The following ERCC4 variants were observed in gnomAD, a reference collection of about 807,000 sequenced individuals.
ERCC4 encodes ERCC excision repair 4, endonuclease catalytic subunit.
Under a neutral mutation model 76.9 loss-of-function variants are expected in ERCC4, and 65 were observed. The ratio of observed to expected loss-of-function variants is 0.84; its 90% CI spans 0.69 to 1.04. The LOEUF (loss-of-function observed/expected upper bound fraction) is 1.04. ERCC4 is among the 50% of genes least tolerant of loss of function. ERCC4 has a pLI of 0.00. For synonymous variants in ERCC4, 463 were observed against 410.1 expected, an observed-to-expected ratio of 1.13 and a Z score of -1.56; for missense variants, 1,214 against 1,128.2, an observed-to-expected ratio of 1.08 and a Z score of -1.09.
At chr16:13,944,946 G>A in intron 10 of ERCC4, 111 bp downstream of exon 10, 2 of 703,314 alleles carry the variant, frequency 2.8e-6, no homozygotes, top group South Asian at 1.6e-5. Flanking sequence ...AAAAATGGGG[G>A]TTGGGCCAAG....
At position 13,950,834 on chromosome 16, in the gene ERCC4, G is replaced by C; in HGVS notation, c.*2487G>C. 1 of 195,182 alleles carries C rather than the reference G, an allele frequency of 5.1e-6. No homozygotes were observed. Among genetic ancestry groups the C allele is most frequent in the East Asian group, 8.0e-5 (1 of 12,442 alleles). The allele number at this position is 195,182 out of a possible 1,614,324, so 12.1% of individuals were successfully genotyped here. A position where few individuals can be genotyped will look rare whatever the true frequency, so the allele number is the denominator to read the frequency against. On this transcript the variant is annotated 3_prime_UTR_variant, in exon 11 of 11. Transcript: ENST00000311895. ...TCCAAGTTGAGTTTTCAAAAAAAAG[G>C]TCTTCCTAAAGCTACCATTTTCAAC... is the stretch of plus-strand genomic sequence containing the variant.
intron 2 of ERCC4, among the ~76,000 whole-genome samples, chr16:13,925,417 T>C (rs1037612432): frequency 3.9e-5 from 6 of 152,232 alleles, no homozygotes; most frequent in Admixed American, 1.3e-4. Context: ...AAATTAGTTA[T>C]GTACGTGTAT....
chr16:13,937,730 G>T (rs759721080), intron 8 of ERCC4, 36 bp from the exon 9 acceptor site: 2 of 1,390,816 alleles, frequency 1.4e-6, no homozygotes, highest in Non-Finnish European at 2.0e-6. Context: ...TAAAAATGCT[G>T]TTTTTCCAAC....
At chr16:13,925,905 T>C (rs1314245317) in intron 2 of ERCC4, among the ~76,000 whole-genome samples, 1 of 152,198 alleles carries the variant, frequency 6.6e-6, no homozygotes, top group Non-Finnish European at 1.5e-5. Flanking sequence ...TAATTGTTCT[T>C]ATTTTTGAGA....
chr16:13,952,128 C>T lies in ERCC4; in HGVS notation c.*3781C>T, dbSNP rs906869368. 4 of 190,286 alleles carry T rather than the reference C, an allele frequency of 2.1e-5. No homozygotes were observed. Among genetic ancestry groups the T allele is most frequent in the Non-Finnish European group, 3.3e-5 (3 of 91,036 alleles). The allele number at this position is 190,286 out of a possible 1,614,324, so 11.8% of individuals were successfully genotyped here. A position where few individuals can be genotyped will look rare whatever the true frequency, so the allele number is the denominator to read the frequency against. ...AAATTTGGATGGGAGTGAGACATAACTGATTTATATGAATTTTAACAGAGT... is the reference window on the plus strand; with the variant it reads ...AAATTTGGATGGGAGTGAGACATAATTGATTTATATGAATTTTAACAGAGT... On this transcript the variant is annotated 3_prime_UTR_variant, in exon 11 of 11. Transcript: ENST00000311895.
rs2032103821 is a variant in ERCC4 at position 13,928,083 on chromosome 16, A to C, written c.640A>C (p.Ile214Leu). The C allele has an allele frequency of 1.2e-6, 2 of 1,613,744 alleles. No individual in the cohort carries two copies. The highest frequency in any genetic ancestry group is 1.7e-6 in the Non-Finnish European group (2 of 1,179,878). Reference sequence around the variant, plus strand: ...ACAGCACAAACCTGAAGTTGTAGAAATCCATGTTTCTATGACACCTACCAT... The same window carrying C: ...ACAGCACAAACCTGAAGTTGTAGAACTCCATGTTTCTATGACACCTACCAT... The part of the protein sequence containing the change: ...LEQHKPEVVE[I>L]HVSMTPTMLA... The change falls in exon 4 of 11, where the codon ATC (isoleucine) becomes CTC (leucine). Residue 214 changes from isoleucine (I) to leucine (L), a missense_variant. Ile to Leu is a conservative substitution (Grantham distance 5, BLOSUM62 2). Transcript: ENST00000311895.
intron 9 of ERCC4, among the ~76,000 whole-genome samples, chr16:13,944,429 G>A (rs535989887): frequency 6.6e-6 from 1 of 152,096 alleles, no homozygotes; most frequent in Admixed American, 6.5e-5. Context: ...TTTTTGACAT[G>A]CTTGTGTTGT....
rs943056130 is a variant in ERCC4, at chr16:13,950,499, A to T, written c.*2152A>T. 5.2e-6 allele frequency: 1 copy of T among 192,854 alleles called. No homozygotes were observed. The highest frequency in any genetic ancestry group is 2.3e-5 in the African/African-American group (1 of 43,124). 11.9% of individuals were successfully genotyped at this position (192,854 alleles called of 1,614,324 possible). A position where few individuals can be genotyped will look rare whatever the true frequency, so the allele number is the denominator to read the frequency against. ...GATGGAATAAAGATTTGGGCTGCTA[A>T]TTTTTTCCCAGGATTCAAAATATAC... is the stretch of plus-strand genomic sequence containing the variant. On this transcript the variant is annotated 3_prime_UTR_variant, in exon 11 of 11. Coordinates refer to ENST00000311895, the MANE Select transcript of ERCC4 (RefSeq NM_005236.3).
At chr16:13,936,356 G>A (rs942918234) in intron 8 of ERCC4, among the ~76,000 whole-genome samples, 12 of 152,262 alleles carry the variant, frequency 7.9e-5, no homozygotes, top group South Asian at 2.1e-4. Context: ...AACCAAAAAC[G>A]GAGCCAAAAG....
intron 2 of ERCC4, 41 bp downstream of exon 2, chr16:13,922,252 CT>C (rs34861763): frequency 0.073 from 65,332 of 893,726 alleles, 3 homozygotes; most frequent in South Asian, 0.091. Context: ...TAAATTTGTA[CT>C]TTTTTTTTTT....
At position 13,935,703 on chromosome 16, in the gene ERCC4, C is replaced by G. The variant is rs766652186; in HGVS notation, c.1771C>G (p.Leu591Val). ...CGCAGAGCTAACCTTTGTTCGGCAGCTTGAAATTTACAGGGCGAGTAGGCC... is the reference window on the plus strand; with the variant it reads ...CGCAGAGCTAACCTTTGTTCGGCAGGTTGAAATTTACAGGGCGAGTAGGCC... ...YDAELTFVRQ[L>V]EIYRASRPGK... The change falls in exon 8 of 11, where the codon CTT becomes GTT. Residue 591 changes from leucine (L) to valine (V), a missense_variant. By Grantham distance (32) the Leu-to-Val change is conservative. Coordinates refer to ENST00000311895, the MANE Select transcript of ERCC4 (RefSeq NM_005236.3). 1.9e-6 allele frequency: 3 copies of G among 1,614,104 alleles called. No individual in the cohort carries two copies. The highest frequency in any genetic ancestry group is 1.3e-5 in the African/African-American group (1 of 75,028).
intron 2 of ERCC4, chr16:13,922,710 C>G: frequency 2.7e-6 from 1 of 370,952 alleles, no homozygotes; most frequent in Non-Finnish European, 5.1e-6. Flanking sequence ...AGGGTATTTT[C>G]TACATTTTTA....
Position 13,948,356 on chromosome 16 carries a change from G to A in ERCC4, c.*9G>A. ...GAAAAGGGAAAAAGTGAACAGTGAT[G>A]GCTGTTTTCTTATCCCATGCCTGTA... On this transcript the variant is annotated 3_prime_UTR_variant, in exon 11 of 11. Transcript: ENST00000311895. The A allele has an allele frequency of 6.2e-7, 1 of 1,607,064 alleles. No homozygotes were observed. Among genetic ancestry groups the A allele is most frequent in the Non-Finnish European group, 8.5e-7 (1 of 1,179,912 alleles).
chr16:13,925,480 A>G (rs2032055256), intron 2 of ERCC4, among the ~76,000 whole-genome samples: 1 of 152,232 alleles, frequency 6.6e-6, no homozygotes, highest in Non-Finnish European at 1.5e-5. Context: ...AACATTATTA[A>G]TTTTTACTAT....
rs2032104345 is a variant in ERCC4 at position 13,928,112 on chromosome 16, T to C, written c.669T>C (p.Leu223=). Residue 223 remains leucine (L), a synonymous_variant, in exon 4 of 11, where the codon CTT becomes CTC. Transcript: ENST00000311895. ...EIHVSMTPTM[L]AIQTAILDIL... Reference sequence around the variant, plus strand: ...ATGTTTCTATGACACCTACCATGCTTGCTATACAGACTGCTATACTGGACA... The same window carrying C: ...ATGTTTCTATGACACCTACCATGCTCGCTATACAGACTGCTATACTGGACA... 1 of 1,613,348 alleles carries C rather than the reference T, an allele frequency of 6.2e-7. No individual in the cohort carries two copies. The highest frequency in any genetic ancestry group is 8.5e-7 in the Non-Finnish European group (1 of 1,179,498).
rs1226038987 is a variant in ERCC4, at chr16:13,952,184, T to A, written c.*3837T>A. On this transcript the variant is annotated 3_prime_UTR_variant, in exon 11 of 11. Transcript: ENST00000311895. Reference sequence around the variant, plus strand: ...TTGTGTGTGTTTAATAAAATATATATTTATTCAGTACTTTCCTCAGTATTT... The same window carrying A: ...TTGTGTGTGTTTAATAAAATATATAATTATTCAGTACTTTCCTCAGTATTT... The A allele has an allele frequency of 2.1e-5, 4 of 187,112 alleles. No individual in the cohort carries two copies. Among genetic ancestry groups the A allele is most frequent in the East Asian group, 8.6e-5 (1 of 11,612 alleles). The allele number at this position is 187,112 out of a possible 1,614,324, so 11.6% of individuals were successfully genotyped here. A position where few individuals can be genotyped will look rare whatever the true frequency, so the allele number is the denominator to read the frequency against.
chr16:13,920,451 G>C lies in ERCC4; in HGVS notation c.207+79G>C, dbSNP rs3136043. ...CTGAGCGGATGCGAGGCCTCTGACA[G>C]GGATGGAGGGGCTCTGAGGGGGATT... On this transcript the variant is annotated intron_variant, in intron 1 of 10. Coordinates refer to ENST00000311895, the MANE Select transcript of ERCC4 (RefSeq NM_005236.3). 1,139 of 1,250,726 alleles carry C rather than the reference G, an allele frequency of 9.1e-4. 9 individuals are homozygous for C. The African/African-American group carries it at 0.014, about 16-fold the overall frequency. The allele number at this position is 1,250,726 out of a possible 1,614,324, so 77.5% of individuals were successfully genotyped here. A position where few individuals can be genotyped will look rare whatever the true frequency, so the allele number is the denominator to read the frequency against.
intron 6 of ERCC4, 86 bp from the exon 7 acceptor site, chr16:13,934,106 C>T (rs1210297501): frequency 1.7e-5 from 14 of 806,724 alleles, no homozygotes; most frequent in Admixed American, 8.5e-5. Context: ...TACTGATGCT[C>T]GTGTTATCTG....
chr16:13,942,046 C>G (rs1235765999), intron 9 of ERCC4, among the ~76,000 whole-genome samples: 1 of 152,094 alleles, frequency 6.6e-6, no homozygotes, highest in Non-Finnish European at 1.5e-5. Context: ...TGTGAGAATC[C>G]ATCTCAATTT....
Sources: gnomAD v4.1 joint callset for allele counts (sites outside exome capture counted in the v4.1 genomes callset) on GRCh38, gnomAD v4.1.1 for gene constraint, MANE v1.5 for transcripts, NCBI Gene and HGNC (gene_info 2026-07-23, HGNC 2026-07-21) for gene names.